Variants in LAMA2 observed in about 807,000 individuals in gnomAD.
LAMA2 encodes the protein laminin subunit alpha 2.
Under a neutral mutation model 364.8 loss-of-function variants are expected in LAMA2, and 269 were observed. That is an observed-to-expected ratio of 0.74 (90% CI 0.67 to 0.82). The LOEUF is 0.82. LAMA2 is among the 40% of genes least tolerant of loss of function. The pLI is 0.00. For missense variants in LAMA2, 3,807 were observed against 3,873.2 expected (o/e 0.98, Z 0.45); for synonymous variants, 1,379 against 1,370.6 (o/e 1.01, Z -0.14).
chr6:129,078,952 G>A (rs976407260), intron 3 of LAMA2, among the ~76,000 whole-genome samples: 3 of 152,054 alleles, frequency 2.0e-5, no homozygotes, highest in Non-Finnish European at 2.9e-5. Flanking sequence ...ATTCTTCCAC[G>A]TTGTAGCATA....
chr6:129,136,947 G>T (rs2114946758), intron 4 of LAMA2, among the ~76,000 whole-genome samples: 1 of 152,184 alleles, frequency 6.6e-6, no homozygotes, highest in East Asian at 1.9e-4. Context: ...CAGTTATTAT[G>T]GGTTACAGGT....
At chr6:129,502,849 A>G in intron 59 of LAMA2, 78 bp downstream of exon 59, 1 of 957,396 alleles carries the variant, frequency 1.0e-6, no homozygotes, top group Non-Finnish European at 1.7e-6. Flanking sequence ...AGTTGAATCT[A>G]CTACACTTAT....
chr6:129,023,250 C>A (rs1785563845), intron 1 of LAMA2, among the ~76,000 whole-genome samples: 1 of 152,154 alleles, frequency 6.6e-6, no homozygotes, highest in Non-Finnish European at 1.5e-5. Flanking sequence ...TTTAACATGT[C>A]TTTTCACTCC....
intron 28 of LAMA2, among the ~76,000 whole-genome samples, chr6:129,324,436 C>T (rs1490778926): frequency 6.6e-6 from 1 of 152,200 alleles, no homozygotes; most frequent in Non-Finnish European, 1.5e-5. Context: ...GGCCCATGAT[C>T]ACACACCTAC....
chr6:129,341,299 A>G (rs890287217), intron 29 of LAMA2, among the ~76,000 whole-genome samples: 34 of 152,352 alleles, frequency 2.2e-4, no homozygotes, highest in African/African-American at 7.0e-4. Flanking sequence ...CAGGAAGTCA[A>G]TTCACTAACA....
intron 58 of LAMA2, among the ~76,000 whole-genome samples, chr6:129,502,384 A>G (rs1228930886): frequency 1.1e-4 from 17 of 152,346 alleles, no homozygotes; most frequent in Admixed American, 1.0e-3. Flanking sequence ...AGAAATATAC[A>G]TAAATTTTTA....
intron 29 of LAMA2, among the ~76,000 whole-genome samples, chr6:129,336,882 C>T (rs530665739): frequency 1.3e-5 from 2 of 152,302 alleles, no homozygotes; most frequent in Admixed American, 6.5e-5. Context: ...TGGATGATAT[C>T]TATCAAATAT....
intron 40 of LAMA2, among the ~76,000 whole-genome samples, chr6:129,414,678 C>T (rs1189066208): frequency 6.6e-6 from 1 of 152,140 alleles, no homozygotes; most frequent in African/African-American, 2.4e-5. Flanking sequence ...CAACAACCCT[C>T]ATCCTTTACA....
intron 9 of LAMA2, among the ~76,000 whole-genome samples, chr6:129,176,793 G>T (rs1780622069): frequency 1.3e-5 from 2 of 151,046 alleles, no homozygotes; most frequent in Admixed American, 6.6e-5. Context: ...TATTTTATTT[G>T]CAATATTCCT....
intron 35 of LAMA2, among the ~76,000 whole-genome samples, chr6:129,388,051 C>T (rs1316588459): frequency 1.3e-5 from 2 of 151,942 alleles, no homozygotes; most frequent in East Asian, 1.9e-4. Flanking sequence ...TGAGGTCAGG[C>T]GTTCAAGACC....
chr6:129,306,463 G>T, intron 22 of LAMA2, among the ~76,000 whole-genome samples: 1 of 149,932 alleles, frequency 6.7e-6, no homozygotes, highest in Admixed American at 6.6e-5. Context: ...TTTTTTCATG[G>T]GATTAGTTAG....
Position 129,516,478 on chromosome 6 carries a change from A to G in LAMA2, c.*131A>G. The G allele has an allele frequency of 1.1e-6, 1 of 905,196 alleles. No homozygotes were observed. Among genetic ancestry groups the G allele is most frequent in the South Asian group, 1.4e-5 (1 of 70,010 alleles). The allele number at this position is 905,196 out of a possible 1,614,324, so 56.1% of individuals were successfully genotyped here. On this transcript the variant is annotated 3_prime_UTR_variant, in exon 65 of 65. Coordinates refer to ENST00000421865, the MANE Select transcript of LAMA2 (RefSeq NM_000426.4). The stretch of plus-strand genomic sequence containing the variant: ...TACATAGAATTCTTTCTGTATTCAG[A>G]TGGTGCTAATTCAGACTCCAGACTG...
intron 40 of LAMA2, among the ~76,000 whole-genome samples, chr6:129,404,682 A>G (rs1780155607): frequency 6.6e-6 from 1 of 152,168 alleles, no homozygotes; most frequent in South Asian, 2.1e-4. Flanking sequence ...AAATGTTCAG[A>G]ACCATCATTT....
rs868544765 is a variant in LAMA2 at position 128,959,655 on chromosome 6, A to G, written c.112+76298A>G. Among the ~76,000 whole-genome samples the G allele has an allele frequency of 1.2e-4, 18 of 152,226 alleles. 1 individual carries two copies. In the Middle Eastern group the frequency reaches 0.01, roughly 86 times the overall value. ...AAACTGCTAAGATTTACCATTCCCA[A>G]TGAGCCGCCTCTTGTCCTTTTATTT... is the stretch of plus-strand genomic sequence containing the variant. On this transcript the variant is annotated intron_variant, in intron 1 of 64. Coordinates refer to ENST00000421865, the MANE Select transcript of LAMA2 (RefSeq NM_000426.4).
chr6:129,439,066 AC>A (rs142125733), intron 42 of LAMA2, among the ~76,000 whole-genome samples: 32 of 145,892 alleles, frequency 2.2e-4, no homozygotes, highest in Non-Finnish European at 3.6e-4. Context: ...TGGTTCCAGG[AC>A]CCCCCCCCAC....
At chr6:129,449,117 T>C (rs1345079988) in intron 45 of LAMA2, among the ~76,000 whole-genome samples, 3 of 152,178 alleles carry the variant, frequency 2.0e-5, no homozygotes, top group Non-Finnish European at 2.9e-5. Flanking sequence ...TAAGTGAATG[T>C]TTCAGTTTCT....
intron 34 of LAMA2, among the ~76,000 whole-genome samples, chr6:129,381,364 A>ACAGAGGCTCGCTCTGTCGC (rs1466876665): frequency 6.6e-6 from 1 of 151,500 alleles, no homozygotes; most frequent in Admixed American, 6.6e-5. Context: ...TTTTTTTGAG[A>ACAGAGGCTCGCTCTGTCGC]CAGAGGCTCG....
At chr6:128,969,178 G>A (rs1003803671) in intron 1 of LAMA2, among the ~76,000 whole-genome samples, 3 of 152,152 alleles carry the variant, frequency 2.0e-5, no homozygotes, top group African/African-American at 4.8e-5. Context: ...AATATAACAG[G>A]AGGGAAGATG....
rs1776735710 is a variant in LAMA2, at chr6:129,349,381, A to C, written c.4520A>C (p.Glu1507Ala). Residue 1507 changes from glutamate to alanine, a missense_variant, in exon 31 of 65, where the codon GAA becomes GCA. This residue lies in a region of LAMA2 where 3,333 missense variants were observed against 3,345.7 expected (regional missense o/e 1.00). Coordinates refer to ENST00000421865, the MANE Select transcript of LAMA2 (RefSeq NM_000426.4). Reference protein sequence around the residue: ...CPRGYEGQYCERCAPGYTGSP... With the variant: ...CPRGYEGQYCARCAPGYTGSP... ...CGGGGATATGAAGGCCAGTACTGTG[A>C]AAGGTACCAACAGCCATGAAACGTA... is the stretch of plus-strand genomic sequence containing the variant. 6.2e-7 allele frequency: 1 copy of C among 1,611,582 alleles called. No homozygotes were observed. Among genetic ancestry groups the C allele is most frequent in the Non-Finnish European group, 8.5e-7 (1 of 1,177,952 alleles).
Sources: gnomAD v4.1 joint callset for allele counts (sites outside exome capture counted in the v4.1 genomes callset) on GRCh38, gnomAD v4.1.1 for gene constraint, gnomAD v4.1.1 regional missense constraint, MANE v1.5 for transcripts, NCBI Gene and HGNC (gene_info 2026-07-23, HGNC 2026-07-21) for gene names.